SFXN1: variants seen among roughly 807,000 people sequenced by gnomAD.
SFXN1 encodes the protein sideroflexin 1, also known as sideroflexin-1.
Under a neutral mutation model 39.5 loss-of-function variants are expected in SFXN1, and 32 were observed. The observed-to-expected ratio is 0.81, with a 90% CI of 0.61 to 1.09. The LOEUF (loss-of-function observed/expected upper bound fraction) is 1.09, where lower values mean the gene tolerates loss of function less well. Among genes scored for constraint, SFXN1 ranks in the 50% least tolerant of loss-of-function variants. The pLI is 0.00. For missense variants in SFXN1, 402 were observed against 407.1 expected, an observed-to-expected ratio of 0.99 and a Z score of 0.11; for synonymous variants, 136 against 146.5, an observed-to-expected ratio of 0.93 and a Z score of 0.52.
Position 175,528,497 on chromosome 5 carries a change from A to G in SFXN1, c.*1763A>G, listed in dbSNP as rs1761142101. On this transcript the variant is annotated 3_prime_UTR_variant, in exon 11 of 11. Coordinates refer to ENST00000321442, the MANE Select transcript of SFXN1 (RefSeq NM_022754.7). ...AGGGGTGACATTTCATGAAGTGTAG[A>G]TCATTGTATTCAGAGATTGTAAATG... 6.6e-6 allele frequency: 1 copy of G among 152,154 alleles called. No homozygotes were observed. The highest frequency in any genetic ancestry group is 1.9e-4 in the East Asian group (1 of 5,174). 9.4% of individuals were successfully genotyped at this position (152,154 alleles called of 1,614,324 possible).
In SFXN1 at chr5:175,510,417, T is replaced by C. The variant is rs569776135; in HGVS notation, c.434+210T>C. Reference sequence around the variant, plus strand: ...TCAAGAAAACAGTCTTCTTCCAGCCTGCCTTCTCAGACATTACTCGTGCCT... The same window carrying C: ...TCAAGAAAACAGTCTTCTTCCAGCCCGCCTTCTCAGACATTACTCGTGCCT... On this transcript the variant is annotated intron_variant, in intron 4 of 10. Coordinates refer to ENST00000321442, the MANE Select transcript of SFXN1 (RefSeq NM_022754.7). The C allele has an allele frequency of 1.7e-3, 863 of 522,680 alleles. 11 individuals carry two copies. The highest frequency in any genetic ancestry group is 0.012 in the South Asian group (583 of 46,892). 32.4% of individuals were successfully genotyped at this position (522,680 alleles called of 1,614,324 possible).
At chr5:175,507,350 G>A (rs1273932470) in intron 2 of SFXN1, among the ~76,000 whole-genome samples, 4 of 152,110 alleles carry the variant, frequency 2.6e-5, no homozygotes, top group Non-Finnish European at 4.4e-5. Context: ...AATTTTGGGG[G>A]AGACACTGTT....
chr5:175,511,456 T>G lies in SFXN1; in HGVS notation c.440T>G (p.Leu147Trp). 5 of 1,614,092 alleles carry G rather than the reference T, an allele frequency of 3.1e-6. No individual in the cohort carries two copies. Among genetic ancestry groups the G allele is most frequent in the Non-Finnish European group, 4.2e-6 (5 of 1,179,946 alleles). Residue 147 changes from leucine (L) to tryptophan (W), a missense_variant, in exon 5 of 11, where the codon TTG becomes TGG. By Grantham distance (61) the Leu-to-Trp change is moderately conservative. Transcript: ENST00000321442. ...ATATCCTTTTTTCTTTTCAGTGAGT[T>G]GGGAACAGCTTACGTTTCTGCAACA... ...SGDAPLTVNE[L>W]GTAYVSATTG...
chr5:175,492,029 TA>T, intron 1 of SFXN1, 65 bp from the exon 2 acceptor site: 1 of 1,281,004 alleles, frequency 7.8e-7, no homozygotes, highest in South Asian at 1.6e-5. Flanking sequence ...AAGGTGACTG[TA>T]AAGTTTCTAA....
intron 1 of SFXN1, 174 bp downstream of exon 1, chr5:175,478,813 G>GC (rs1414712970): frequency 1.3e-5 from 2 of 152,214 alleles, no homozygotes; most frequent in East Asian, 3.9e-4. Flanking sequence ...CGGGCCGGGG[G>GC]GGGGGTCCCT....
At chr5:175,497,804 C>T (rs540705508) in intron 2 of SFXN1, among the ~76,000 whole-genome samples, 1 of 151,954 alleles carries the variant, frequency 6.6e-6, no homozygotes, top group Non-Finnish European at 1.5e-5. Context: ...GTGGCGGGCA[C>T]CTGTAATCCC....
intron 1 of SFXN1, among the ~76,000 whole-genome samples, chr5:175,481,985 A>C (rs1301715357): frequency 2.6e-5 from 4 of 152,208 alleles, no homozygotes; most frequent in Admixed American, 2.6e-4. Flanking sequence ...CTGGCCTCCA[A>C]GGGTCAGAAT....
In SFXN1 at chr5:175,513,849, T is replaced by A. The variant is rs114487837; in HGVS notation, c.724+259T>A. Reference sequence around the variant, plus strand: ...GAGGTGTGGGAGTGAGCCAAGTGGGTATCGGTGATGAATATTCTGGCAGAG... The same window carrying A: ...GAGGTGTGGGAGTGAGCCAAGTGGGAATCGGTGATGAATATTCTGGCAGAG... On this transcript the variant is annotated intron_variant, in intron 7 of 10. Coordinates refer to ENST00000321442, the MANE Select transcript of SFXN1 (RefSeq NM_022754.7). The A allele has an allele frequency of 2.1e-3, 684 of 327,930 alleles. 10 individuals carry two copies. Among genetic ancestry groups the A allele is most frequent in the African/African-American group, 0.013 (616 of 47,820 alleles). 20.3% of individuals were successfully genotyped at this position (327,930 alleles called of 1,614,324 possible).
Position 175,527,831 on chromosome 5 carries a change from C to G in SFXN1, c.*1097C>G, listed in dbSNP as rs1761112827. The G allele has an allele frequency of 6.6e-6, 1 of 151,780 alleles. No homozygotes were observed. The highest frequency in any genetic ancestry group is 2.1e-4 in the South Asian group (1 of 4,828). 9.4% of individuals were successfully genotyped at this position (151,780 alleles called of 1,614,324 possible). On this transcript the variant is annotated 3_prime_UTR_variant, in exon 11 of 11. Coordinates refer to ENST00000321442, the MANE Select transcript of SFXN1 (RefSeq NM_022754.7). The stretch of plus-strand genomic sequence containing the variant: ...TAATATGACAGATTATGTTTCAACT[C>G]TGTAGATGTTTAACGTCATAGACAG...
chr5:175,524,472 TCTC>T (rs1760998153), intron 10 of SFXN1, among the ~76,000 whole-genome samples: 1 of 151,914 alleles, frequency 6.6e-6, no homozygotes, highest in Non-Finnish European at 1.5e-5. Context: ...CAGTTTCCCG[TCTC>T]CTATGTGAAC....
rs961049810 is a variant in SFXN1, at chr5:175,511,319, G to C, written c.435-132G>C. ...ATTCCCCTACTTGTGGAGTGATAGT[G>C]AATGTTGTTTTGTAGACTCTTCATT... On this transcript the variant is annotated intron_variant, in intron 4 of 10. Coordinates refer to ENST00000321442, the MANE Select transcript of SFXN1 (RefSeq NM_022754.7). The C allele has an allele frequency of 3.1e-4, 216 of 690,430 alleles. 1 individual carries two copies. The highest frequency in any genetic ancestry group is 1.1e-4 in the Admixed American group (4 of 38,010). The allele number at this position is 690,430 out of a possible 1,614,324, so 42.8% of individuals were successfully genotyped here. A position where few individuals can be genotyped will look rare whatever the true frequency, so the allele number is the denominator to read the frequency against.
intron 2 of SFXN1, among the ~76,000 whole-genome samples, chr5:175,501,402 A>G (rs989577771): frequency 3.3e-5 from 5 of 152,192 alleles, no homozygotes; most frequent in Admixed American, 3.3e-4. Flanking sequence ...AGATATAAGA[A>G]TGGACAATTA....
At chr5:175,521,775 G>A (rs1450431409) in intron 8 of SFXN1, 144 bp from the exon 9 acceptor site, 1 of 609,256 alleles carries the variant, frequency 1.6e-6, no homozygotes, top group Non-Finnish European at 2.9e-6. Context: ...TAACACCCTT[G>A]TTGCAGCATT....
intron 7 of SFXN1, among the ~76,000 whole-genome samples, chr5:175,515,689 G>A (rs977537858): frequency 1.3e-5 from 2 of 152,102 alleles, no homozygotes; most frequent in African/African-American, 4.8e-5. Flanking sequence ...CTAGCCCAGC[G>A]GTCCCAAACC....
At position 175,492,179 on chromosome 5, in the gene SFXN1, A is replaced by G. The variant is rs957749053; in HGVS notation, c.76A>G (p.Asn26Asp). The change falls in exon 2 of 11, where the codon AAT becomes GAT. Residue 26 changes from asparagine to aspartate, a missense_variant. Physicochemically the swap from Asn to Asp is conservative, Grantham distance 23 (BLOSUM62 1). Transcript: ENST00000321442. ...WDQSTFIGRA[N>D]HFFTVTDPRN... is the part of the protein sequence containing the mutation. ...TCAAAGCACTTTCATTGGACGAGCCAATCATTTCTTCACTGTAACTGACCC... is the reference window on the plus strand; with the variant it reads ...TCAAAGCACTTTCATTGGACGAGCCGATCATTTCTTCACTGTAACTGACCC... 1.9e-6 allele frequency: 3 copies of G among 1,614,024 alleles called. No individual in the cohort carries two copies. Among genetic ancestry groups the G allele is most frequent in the African/African-American group, 2.7e-5 (2 of 74,922 alleles).
Position 175,526,935 on chromosome 5 carries a change from A to G in SFXN1, c.*201A>G, listed in dbSNP as rs1274730683. 5.3e-6 allele frequency: 3 copies of G among 569,982 alleles called. No individual in the cohort carries two copies. Among genetic ancestry groups the G allele is most frequent in the African/African-American group, 1.9e-5 (1 of 53,436 alleles). The allele number at this position is 569,982 out of a possible 1,614,324, so 35.3% of individuals were successfully genotyped here. A position where few individuals can be genotyped will look rare whatever the true frequency, so the allele number is the denominator to read the frequency against. On this transcript the variant is annotated 3_prime_UTR_variant, in exon 11 of 11. Transcript: ENST00000321442. The stretch of plus-strand genomic sequence containing the variant: ...GCCTGATACTCCCTTACACTGAATC[A>G]TGTTATGATTTATAGAAATACCTTT...
At chr5:175,525,185 A>T (rs1377204583) in intron 10 of SFXN1, among the ~76,000 whole-genome samples, 1 of 152,222 alleles carries the variant, frequency 6.6e-6, no homozygotes, top group Non-Finnish European at 1.5e-5. Context: ...CCTTTAACAT[A>T]CATTCATAGT....
chr5:175,488,812 G>T (rs989428958), intron 1 of SFXN1, among the ~76,000 whole-genome samples: 2 of 152,178 alleles, frequency 1.3e-5, no homozygotes, highest in Non-Finnish European at 2.9e-5. Context: ...GGGAGGATCA[G>T]CTGAGCCCAG....
Position 175,509,077 on chromosome 5 carries a change from A to G in SFXN1, c.210A>G (p.Arg70=). The change falls in exon 3 of 11, where the codon AGA becomes AGG. Residue 70 remains arginine (R), a synonymous_variant. Transcript: ENST00000321442. Reference sequence around the variant, plus strand: ...GTCTTACAGAAAATGAATTGTGGAGAGCAAAGTACATCTATGATTCAGCTT... The same window carrying G: ...GTCTTACAGAAAATGAATTGTGGAGGGCAAAGTACATCTATGATTCAGCTT... ...PPGLTENELW[R]AKYIYDSAFH... The G allele has an allele frequency of 6.2e-7, 1 of 1,613,234 alleles. No individual in the cohort carries two copies. The highest frequency in any genetic ancestry group is 8.5e-7 in the Non-Finnish European group (1 of 1,179,758).
Sources: allele counts gnomAD v4.1 joint callset (sites outside exome capture counted in the v4.1 genomes callset), GRCh38; gene constraint gnomAD v4.1.1; transcripts MANE v1.5; gene names NCBI Gene and HGNC (gene_info 2026-07-23, HGNC 2026-07-21).